The following DLGAP2 variants were observed in gnomAD, a reference collection of about 807,000 sequenced individuals.
DLGAP2 encodes the protein DLG associated protein 2, also known as disks large-associated protein 2.
Under a neutral mutation model 100.3 loss-of-function variants are expected in DLGAP2, and 26 were observed. The ratio of observed to expected loss-of-function variants is 0.26; its 90% CI spans 0.19 to 0.36. The LOEUF (loss-of-function observed/expected upper bound fraction) is 0.36, where lower values mean the gene tolerates loss of function less well. DLGAP2 is among the 10% of genes least tolerant of loss of function. DLGAP2 has a pLI of 1.00. For synonymous variants in DLGAP2, 886 were observed against 630.1 expected, an observed-to-expected ratio of 1.41 and a Z score of -6.08; for missense variants, 1,858 against 1,453.2, an observed-to-expected ratio of 1.28 and a Z score of -4.53.
intron 4 of DLGAP2, among the ~76,000 whole-genome samples, chr8:1,528,435 G>C (rs1343223757): frequency 6.6e-6 from 1 of 152,244 alleles, no homozygotes. Flanking sequence ...CCTAAGCCCA[G>C]AGCACTGGGA....
At chr8:1,418,864 G>T (rs117848689) in intron 3 of DLGAP2, among the ~76,000 whole-genome samples, 4 of 152,216 alleles carry the variant, frequency 2.6e-5, no homozygotes, top group African/African-American at 9.6e-5. Context: ...CTTCTGGCCC[G>T]CTGGCTAGAG....
intron 4 of DLGAP2, among the ~76,000 whole-genome samples, chr8:1,545,067 A>G (rs970007550): frequency 6.6e-6 from 1 of 151,978 alleles, no homozygotes; most frequent in African/African-American, 2.4e-5. Context: ...TTTATAAGGG[A>G]TATTAATCTA....
At chr8:1,700,151 A>T (rs1799526713) in intron 14 of DLGAP2, among the ~76,000 whole-genome samples, 1 of 152,116 alleles carries the variant, frequency 6.6e-6, no homozygotes, top group African/African-American at 2.4e-5. Flanking sequence ...CCTCCTCCGT[A>T]CTCACACAAC....
intron 1 of DLGAP2, among the ~76,000 whole-genome samples, chr8:861,785 A>G (rs1797396740): frequency 6.6e-6 from 1 of 152,180 alleles, no homozygotes; most frequent in South Asian, 2.1e-4. Context: ...TGCAGGCAGG[A>G]CACACCTAAC....
At chr8:1,200,541 C>T (rs566101889) in intron 2 of DLGAP2, among the ~76,000 whole-genome samples, 59 of 152,158 alleles carry the variant, frequency 3.9e-4, no homozygotes, top group Non-Finnish European at 6.8e-4. Flanking sequence ...TGGTCTGACC[C>T]GCCAGCTCCT....
At chr8:1,125,372 G>T (rs1286472917) in intron 2 of DLGAP2, among the ~76,000 whole-genome samples, 1 of 151,850 alleles carries the variant, frequency 6.6e-6, no homozygotes, top group Non-Finnish European at 1.5e-5. Flanking sequence ...TTTTTTTTAT[G>T]GAAAAAAATG....
At chr8:1,683,668 C>A (rs1199252317) in intron 12 of DLGAP2, among the ~76,000 whole-genome samples, 2 of 148,796 alleles carry the variant, frequency 1.3e-5, no homozygotes, top group African/African-American at 5.0e-5. Context: ...GCTGTCTTAG[C>A]GAACAGGATG....
chr8:1,632,746 G>A, intron 7 of DLGAP2, 81 bp from the exon 8 acceptor site: 3 of 1,388,876 alleles, frequency 2.2e-6, no homozygotes, highest in African/African-American at 1.4e-5. Context: ...GCCTGGGAAT[G>A]AGCGCGCTCT....
At chr8:976,933 A>G (rs1359803709) in intron 2 of DLGAP2, among the ~76,000 whole-genome samples, 2 of 152,246 alleles carry the variant, frequency 1.3e-5, no homozygotes, top group African/African-American at 4.8e-5. Context: ...AATAATTGAT[A>G]AGTTGAACTT....
intron 3 of DLGAP2, among the ~76,000 whole-genome samples, chr8:1,329,676 C>T (rs1324593024): frequency 6.6e-6 from 1 of 152,080 alleles, no homozygotes; most frequent in East Asian, 1.9e-4. Context: ...CTGCAGAGAC[C>T]ATGGGGGTGA....
intron 2 of DLGAP2, among the ~76,000 whole-genome samples, chr8:1,191,701 C>G (rs914494034): frequency 2.7e-5 from 4 of 150,156 alleles, no homozygotes; most frequent in East Asian, 1.9e-4. Flanking sequence ...CTCATTGCAA[C>G]TAACTCTTTA....
rs1343257428 is a variant in DLGAP2, at chr8:998,102, CAT to C, written c.73+90138_73+90139del. ...GCACACACCCGTGTCTGCACAGAAA[CAT>C]ACACACGTGTATGAACACAAACATG... On this transcript the variant is annotated intron_variant, in intron 2 of 14. Coordinates refer to ENST00000637795, the MANE Select transcript of DLGAP2 (RefSeq NM_001346810.2). Among the ~76,000 whole-genome samples the C allele has an allele frequency of 1.1e-4, 16 of 152,276 alleles. 1 individual carries two copies. The highest frequency in any genetic ancestry group is 8.3e-4 in the South Asian group (4 of 4,824).
At position 1,549,376 on chromosome 8, in the gene DLGAP2, C is replaced by T. The variant is rs765175689; in HGVS notation, c.923C>T (p.Thr308Ile). The change falls in exon 5 of 15, where the codon ACC becomes ATC. Residue 308 changes from threonine (T) to isoleucine (I), a missense_variant. By Grantham distance (89) the Thr-to-Ile change is moderately conservative. Coordinates refer to ENST00000637795, the MANE Select transcript of DLGAP2 (RefSeq NM_001346810.2). ...SSDDNLDSDS[T>I]YRTPSVLNRH... ...GACGACAACCTGGACAGCGACAGCA[C>T]CTATCGGACGCCCAGCGTGCTCAAC... 1.9e-5 allele frequency: 31 copies of T among 1,613,382 alleles called. No homozygotes were observed. Among genetic ancestry groups the T allele is most frequent in the East Asian group, 6.7e-5 (3 of 44,876 alleles).
At chr8:970,332 AT>A (rs1563120622) in intron 2 of DLGAP2, among the ~76,000 whole-genome samples, 1 of 152,188 alleles carries the variant, frequency 6.6e-6, no homozygotes, top group Non-Finnish European at 1.5e-5. Flanking sequence ...TATATATTTT[AT>A]TTTTAAAAAA....
intron 2 of DLGAP2, among the ~76,000 whole-genome samples, chr8:1,176,266 C>A (rs1797253482): frequency 6.6e-6 from 1 of 152,112 alleles, no homozygotes; most frequent in Admixed American, 6.6e-5. Flanking sequence ...TCCCTCATTA[C>A]CACAAGAATA....
chr8:1,121,229 T>TCC (rs1796037989), intron 2 of DLGAP2, among the ~76,000 whole-genome samples: 1 of 145,198 alleles, frequency 6.9e-6, no homozygotes. Context: ...CTTGTCCAGT[T>TCC]AGAACCCATG....
At chr8:1,673,220 C>A (rs938236317) in intron 10 of DLGAP2, among the ~76,000 whole-genome samples, 79 of 152,196 alleles carry the variant, frequency 5.2e-4, no homozygotes, top group Admixed American at 6.5e-4. Context: ...GATCCTACCC[C>A]CTCAGCCTTG....
At chr8:1,613,726 C>T (rs1291174606) in intron 6 of DLGAP2, among the ~76,000 whole-genome samples, 1 of 152,058 alleles carries the variant, frequency 6.6e-6, no homozygotes, top group Non-Finnish European at 1.5e-5. Context: ...GCAGTAAAGC[C>T]CTTTTTCGAG....
intron 3 of DLGAP2, among the ~76,000 whole-genome samples, chr8:1,343,461 G>C (rs1292576414): frequency 1.3e-5 from 2 of 152,156 alleles, no homozygotes; most frequent in African/African-American, 4.8e-5. Context: ...CTAGATGCCT[G>C]GTCTCCAGCT....
Sources: allele counts gnomAD v4.1 joint callset (sites outside exome capture counted in the v4.1 genomes callset), GRCh38; gene constraint gnomAD v4.1.1; transcripts MANE v1.5; gene names NCBI Gene and HGNC (gene_info 2026-07-23, HGNC 2026-07-21).